The following SPATA16 variants were observed in gnomAD, a reference collection of about 807,000 sequenced individuals.
SPATA16 encodes spermatogenesis associated 16, also known as spermatogenesis-associated protein 16.
Under a neutral mutation model 63.3 loss-of-function variants are expected in SPATA16, and 36 were observed. That is an observed-to-expected ratio of 0.57 (90% CI 0.44 to 0.75). The LOEUF (loss-of-function observed/expected upper bound fraction) is 0.75. Among genes scored for constraint, SPATA16 ranks in the 30% least tolerant of loss-of-function variants. SPATA16 has a pLI of 0.00. For missense variants in SPATA16, 646 were observed against 679.3 expected (o/e 0.95, Z 0.54); for synonymous variants, 203 against 216.7 (o/e 0.94, Z 0.56).
At chr3:172,989,245 A>G (rs1734524803) in intron 4 of SPATA16, among the ~76,000 whole-genome samples, 1 of 152,134 alleles carries the variant, frequency 6.6e-6, no homozygotes, top group African/African-American at 2.4e-5. Context: ...TTTCAAGTAC[A>G]CAGTTTATCT....
intron 3 of SPATA16, among the ~76,000 whole-genome samples, chr3:173,044,294 A>G (rs1735908894): frequency 6.6e-6 from 1 of 152,134 alleles, no homozygotes; most frequent in African/African-American, 2.4e-5. Context: ...TTTATTGTCT[A>G]TCTCTTGTCT....
At chr3:173,083,624 C>T (rs1292997534) in intron 2 of SPATA16, among the ~76,000 whole-genome samples, 1 of 152,086 alleles carries the variant, frequency 6.6e-6, no homozygotes, top group Non-Finnish European at 1.5e-5. Flanking sequence ...AGCTATTTTT[C>T]CTGATACTCT....
chr3:172,983,744 CACAA>C (rs920170685), intron 4 of SPATA16, among the ~76,000 whole-genome samples: 31 of 151,998 alleles, frequency 2.0e-4, no homozygotes, highest in African/African-American at 7.3e-4. Flanking sequence ...AACACACACA[CACAA>C]ACACACACAC....
intron 6 of SPATA16, among the ~76,000 whole-genome samples, chr3:172,938,915 G>C (rs886295475): frequency 6.7e-5 from 9 of 133,740 alleles, no homozygotes; most frequent in African/African-American, 2.6e-4. Context: ...CATGATTCTT[G>C]GTTCTAAATG....
At chr3:173,018,030 A>T (rs940981270) in intron 4 of SPATA16, among the ~76,000 whole-genome samples, 1 of 152,236 alleles carries the variant, frequency 6.6e-6, no homozygotes, top group Non-Finnish European at 1.5e-5. Flanking sequence ...AGTACCTTAG[A>T]TAAAACACAT....
In SPATA16 at chr3:173,117,631, A is replaced by G; in HGVS notation, c.101T>C (p.Leu34Ser). The G allele has an allele frequency of 6.2e-7, 1 of 1,614,092 alleles. No homozygotes were observed. The highest frequency in any genetic ancestry group is 1.3e-5 in the African/African-American group (1 of 75,026). The change falls in exon 2 of 11, where the codon TTA becomes TCA. Residue 34 changes from leucine (L) to serine (S), a missense_variant. Physicochemically the swap from Leu to Ser is moderately radical, Grantham distance 145 (BLOSUM62 -2). Coordinates refer to ENST00000351008, the MANE Select transcript of SPATA16 (RefSeq NM_031955.6). ...TTCCAGGATGTTAGGTGGGTGCGCT[A>G]AGGTGGACATTTTCTTGCTTGTGTT... ...KINTSKKMST[L>S]AHPPNILEMS...
intron 10 of SPATA16, among the ~76,000 whole-genome samples, chr3:172,895,988 A>ATT (rs368227171): frequency 1.5e-4 from 22 of 148,924 alleles, no homozygotes; most frequent in African/African-American, 3.9e-4. Context: ...TGCATATTTA[A>ATT]TTTTTTTTTT....
chr3:173,003,592 A>ACAG (rs1216186500), intron 4 of SPATA16, among the ~76,000 whole-genome samples: 1 of 152,210 alleles, frequency 6.6e-6, no homozygotes, highest in Non-Finnish European at 1.5e-5. Flanking sequence ...AAGATAATAC[A>ACAG]CAGCAAGCAT....
intron 5 of SPATA16, among the ~76,000 whole-genome samples, chr3:172,976,397 TAATA>T (rs1734159833): frequency 6.6e-6 from 1 of 152,130 alleles, no homozygotes; most frequent in Admixed American, 6.5e-5. Context: ...GAGATTGAAC[TAATA>T]AATCCAAAAT....
chr3:173,031,671 T>A (rs904742225), intron 3 of SPATA16, among the ~76,000 whole-genome samples: 1 of 152,094 alleles, frequency 6.6e-6, no homozygotes, highest in Non-Finnish European at 1.5e-5. Context: ...AGAAAACTTA[T>A]GCAACAGTGC....
At chr3:172,912,772 T>C (rs1732397762) in intron 10 of SPATA16, among the ~76,000 whole-genome samples, 1 of 152,338 alleles carries the variant, frequency 6.6e-6, no homozygotes, top group Middle Eastern at 3.4e-3. Flanking sequence ...TTTCAGTCAA[T>C]AGTAGGCTAT....
Position 173,028,032 on chromosome 3 carries a change from T to C in SPATA16, c.759-8457A>G, listed in dbSNP as rs1430087242. Among the ~76,000 whole-genome samples, 236 of 68,604 alleles carry C rather than the reference T, an allele frequency of 3.4e-3. 3 individuals are homozygous for C. The highest frequency in any genetic ancestry group is 0.014 in the African/African-American group (222 of 15,426). 45.0% of individuals were successfully genotyped at this position (68,604 alleles called of 152,430 possible). On this transcript the variant is annotated intron_variant, in intron 3 of 10. Coordinates refer to ENST00000351008, the MANE Select transcript of SPATA16 (RefSeq NM_031955.6). ...CTCCCTCCCTTCCTTCTTTCCTTCC[T>C]TCCTTCCTTCCTTCCTTCCTTCCTT...
intron 8 of SPATA16, among the ~76,000 whole-genome samples, chr3:172,921,343 A>G (rs1018867080): frequency 6.6e-6 from 1 of 152,236 alleles, no homozygotes; most frequent in African/African-American, 2.4e-5. Flanking sequence ...TGTGTTGCAC[A>G]AGACACTGGT....
At chr3:173,119,162 G>A (rs1293925562) in intron 1 of SPATA16, among the ~76,000 whole-genome samples, 1 of 152,096 alleles carries the variant, frequency 6.6e-6, no homozygotes. Flanking sequence ...TCGAGGGGGT[G>A]TGGGGAAAGG....
intron 1 of SPATA16, among the ~76,000 whole-genome samples, chr3:173,131,260 G>A (rs1560134227): frequency 6.6e-6 from 1 of 152,166 alleles, no homozygotes; most frequent in Non-Finnish European, 1.5e-5. Flanking sequence ...ACAGTTACAC[G>A]TTATACTCTG....
At chr3:173,114,693 C>T (rs1737848378) in intron 2 of SPATA16, among the ~76,000 whole-genome samples, 1 of 152,198 alleles carries the variant, frequency 6.6e-6, no homozygotes, top group Non-Finnish European at 1.5e-5. Context: ...CAGCATCTAT[C>T]AAGTGTGATC....
intron 4 of SPATA16, among the ~76,000 whole-genome samples, chr3:172,978,161 C>A (rs6445092): frequency 0.51 from 74,732 of 146,944 alleles, 19,229 homozygotes; most frequent in African/African-American, 0.59. Context: ...CTCTCTCTCT[C>A]TATATATATA....
At chr3:173,017,528 T>C (rs1735221207) in intron 4 of SPATA16, among the ~76,000 whole-genome samples, 2 of 152,162 alleles carry the variant, frequency 1.3e-5, no homozygotes, top group South Asian at 4.1e-4. Flanking sequence ...GTAACCTGGC[T>C]CTCCTAAAAG....
chr3:173,088,052 TTCTTTCTTTCTTTCTTTCTTTCTTTCTG>T (rs1737114795), intron 2 of SPATA16, among the ~76,000 whole-genome samples: 1 of 142,682 alleles, frequency 7.0e-6, no homozygotes, highest in East Asian at 2.1e-4. Flanking sequence ...CTTTCTTTCT[TTCTTTCTTTCTTTCTTTCTTTCTTTCTG>T]TCTTTTCTTT....
Sources: gnomAD v4.1 joint callset for allele counts (sites outside exome capture counted in the v4.1 genomes callset) on GRCh38, gnomAD v4.1.1 for gene constraint, MANE v1.5 for transcripts, NCBI Gene and HGNC (gene_info 2026-07-23, HGNC 2026-07-21) for gene names.